Variants in STOX1 observed in about 807,000 individuals in gnomAD.
The protein encoded by STOX1 is storkhead-box protein 1.
Under a neutral mutation model 74.8 loss-of-function variants are expected in STOX1, and 57 were observed. The ratio of observed to expected loss-of-function variants is 0.76; its 90% confidence interval spans 0.62 to 0.95. The LOEUF (loss-of-function observed/expected upper bound fraction) is 0.95, where lower values mean the gene tolerates loss of function less well. STOX1 is among the 40% of genes least tolerant of loss of function. The pLI is 0.00. For synonymous variants in STOX1, 375 were observed against 401.3 expected, an observed-to-expected ratio of 0.93 and a Z score of 0.78; for missense variants, 1,010 against 1,117.0, an observed-to-expected ratio of 0.90 and a Z score of 1.37.
chr10:68,868,083 G>A (rs990315745), intron 1 of STOX1, among the ~76,000 whole-genome samples: 3 of 152,194 alleles, frequency 2.0e-5, no homozygotes, highest in South Asian at 2.1e-4. Flanking sequence ...TCGCTCTGGC[G>A]ACCCTTCGAT....
At chr10:68,842,505 C>A (rs78299973) in intron 1 of STOX1, among the ~76,000 whole-genome samples, 4,190 of 148,592 alleles carry the variant, frequency 0.028, 214 homozygotes, top group African/African-American at 0.098. Flanking sequence ...CTTGTTGATG[C>A]GAGGTGCCTC....
intron 1 of STOX1, among the ~76,000 whole-genome samples, chr10:68,860,936 C>T (rs545330678): frequency 1.1e-4 from 17 of 152,006 alleles, no homozygotes; most frequent in Admixed American, 2.6e-4. Flanking sequence ...TGGCCGGGCG[C>T]GGTGGCTCAC....
intron 1 of STOX1, among the ~76,000 whole-genome samples, chr10:68,855,473 G>A (rs1179306476): frequency 3.0e-5 from 4 of 133,406 alleles, no homozygotes; most frequent in Admixed American, 1.5e-4. Flanking sequence ...GGGTCTCGCT[G>A]TATCACCCAG....
intron 1 of STOX1, among the ~76,000 whole-genome samples, chr10:68,840,110 G>A (rs2133503624): frequency 6.6e-6 from 1 of 152,222 alleles, no homozygotes; most frequent in East Asian, 1.9e-4. Flanking sequence ...TCAACAAATG[G>A]TCCTGGGAAA....
chr10:68,840,979 G>A lies in STOX1; in HGVS notation c.310+13046G>A, dbSNP rs573237987. 1.4e-4 allele frequency among the ~76,000 whole-genome samples: 20 copies of A among 146,518 alleles called. No individual in the cohort carries two copies. In the East Asian group the frequency reaches 3.1e-3, roughly 23 times the overall value. On this transcript the variant is annotated intron_variant, in intron 1 of 3. Coordinates refer to ENST00000298596, the MANE Select transcript of STOX1 (RefSeq NM_152709.5). ...TTTTTTTTTTTGGAGACAGTGTCTC[G>A]CTCTGTTGCCCAGGCTGGAGTGCAG... is the stretch of plus-strand genomic sequence containing the variant.
In STOX1 at chr10:68,885,782, A is replaced by C. The variant is rs1840934788; in HGVS notation, c.1986A>C (p.Thr662=). 1 of 1,614,020 alleles carries C rather than the reference A, an allele frequency of 6.2e-7. No homozygotes were observed. ...TPSACRLVDN[T]IHQFQNLGLL... Reference sequence around the variant, plus strand: ...CTGCTTGTAGATTAGTGGATAACACAATACACCAGTTTCAAAATCTTGGCC... The same window carrying C: ...CTGCTTGTAGATTAGTGGATAACACCATACACCAGTTTCAAAATCTTGGCC... Residue 662 remains threonine, a synonymous_variant, in exon 3 of 4, where the codon ACA becomes ACC. Transcript: ENST00000298596.
intron 2 of STOX1, among the ~76,000 whole-genome samples, chr10:68,882,449 T>A (rs1279544945): frequency 6.6e-6 from 1 of 152,242 alleles, no homozygotes; most frequent in South Asian, 2.1e-4. Context: ...ACTGCTATTA[T>A]CATTTCTTAT....
intron 1 of STOX1, among the ~76,000 whole-genome samples, chr10:68,847,932 T>C (rs1263015025): frequency 6.6e-6 from 1 of 152,182 alleles, no homozygotes; most frequent in Non-Finnish European, 1.5e-5. Flanking sequence ...GGTTTCTCCA[T>C]GTTGGTCAGG....
chr10:68,834,678 T>A (rs879346798), intron 1 of STOX1, among the ~76,000 whole-genome samples: 6 of 152,230 alleles, frequency 3.9e-5, no homozygotes, highest in Admixed American at 3.9e-4. Flanking sequence ...CCTTTCCCAG[T>A]CAGCTCTGCC....
At chr10:68,849,376 G>T (rs1839926244) in intron 1 of STOX1, among the ~76,000 whole-genome samples, 1 of 152,120 alleles carries the variant, frequency 6.6e-6, no homozygotes, top group South Asian at 2.1e-4. Context: ...ATTCTCTTAG[G>T]CCAGTAATTC....
intron 1 of STOX1, among the ~76,000 whole-genome samples, chr10:68,873,405 C>T (rs1436751474): frequency 6.6e-6 from 1 of 151,786 alleles, no homozygotes; most frequent in South Asian, 2.1e-4. Flanking sequence ...GGACTCCAGG[C>T]GGCCGCCACC....
Position 68,884,388 on chromosome 10 carries a change from A to T in STOX1, c.592A>T (p.Thr198Ser). ...TCAGACTTACTTCATTACAAATACA[A>T]CCACCCAGGAAAATAAGAGAATGCT... ...TPQTYFITNT[T>S]TQENKRMLPS... Residue 198 changes from threonine (T) to serine (S), a missense_variant, in exon 3 of 4, where the codon ACC (threonine) becomes TCC (serine). Thr to Ser is a moderately conservative substitution (Grantham distance 58). Transcript: ENST00000298596. 1.2e-6 allele frequency: 2 copies of T among 1,614,176 alleles called. No individual in the cohort carries two copies. Among genetic ancestry groups the T allele is most frequent in the Non-Finnish European group, 1.7e-6 (2 of 1,180,038 alleles).
At chr10:68,840,269 G>C (rs917250520) in intron 1 of STOX1, among the ~76,000 whole-genome samples, 1 of 152,182 alleles carries the variant, frequency 6.6e-6, no homozygotes, top group African/African-American at 2.4e-5. Context: ...TTTTGACAAT[G>C]ATTTTTTGGA....
downstream of STOX1, among the ~76,000 whole-genome samples, chr10:68,893,428 C>A (rs1390983536): frequency 6.6e-6 from 1 of 152,126 alleles, no homozygotes; most frequent in African/African-American, 2.4e-5. Context: ...ACATTTCAGG[C>A]CTTCTTTGAG....
chr10:68,856,568 G>C (rs887651517), intron 1 of STOX1, among the ~76,000 whole-genome samples: 3 of 152,012 alleles, frequency 2.0e-5, no homozygotes, highest in African/African-American at 7.3e-5. Context: ...CCTGTGTAGG[G>C]GACTAGTGCA....
At chr10:68,841,574 G>A (rs1309613678) in intron 1 of STOX1, among the ~76,000 whole-genome samples, 1 of 152,104 alleles carries the variant, frequency 6.6e-6, no homozygotes, top group Non-Finnish European at 1.5e-5. Context: ...CCATGTATAA[G>A]TGCAAGGAAG....
chr10:68,872,889 A>C (rs1840569130), intron 1 of STOX1, among the ~76,000 whole-genome samples: 1 of 149,368 alleles, frequency 6.7e-6, no homozygotes, highest in African/African-American at 2.5e-5. Context: ...TAAAAGCATA[A>C]GATTAATGTA....
Position 68,885,015 on chromosome 10 carries a change from C to G in STOX1, c.1219C>G (p.Pro407Ala). The G allele has an allele frequency of 2.5e-6, 4 of 1,614,096 alleles. No individual in the cohort carries two copies. Among genetic ancestry groups the G allele is most frequent in the African/African-American group, 1.3e-5 (1 of 75,014 alleles). Residue 407 changes from proline to alanine, a missense_variant, in exon 3 of 4, where the codon CCT (proline) becomes GCT (alanine). Physicochemically the swap from Pro to Ala is conservative, Grantham distance 27. Coordinates refer to ENST00000298596, the MANE Select transcript of STOX1 (RefSeq NM_152709.5). The stretch of plus-strand genomic sequence containing the variant: ...CATGCTGACAATCGGGCATAAGTAT[C>G]CTTCAAAAGAGGGGGTTAAGAAAAG... ...TDMLTIGHKY[P>A]SKEGVKKRQG... is the part of the protein sequence containing the mutation.
chr10:68,844,034 G>T (rs918929717), intron 1 of STOX1, among the ~76,000 whole-genome samples: 2 of 151,940 alleles, frequency 1.3e-5, no homozygotes, highest in Non-Finnish European at 2.9e-5. Flanking sequence ...CAAAAAATTA[G>T]CCAGGCGTGG....
Sources: gnomAD v4.1 joint callset for allele counts (sites outside exome capture counted in the v4.1 genomes callset) on GRCh38, gnomAD v4.1.1 for gene constraint, MANE v1.5 for transcripts, NCBI Gene and HGNC (gene_info 2026-07-23, HGNC 2026-07-21) for gene names.